PCDH9: variants seen among roughly 807,000 people sequenced by gnomAD.
PCDH9 encodes protocadherin-9.
In PCDH9, 24 loss-of-function variants were observed where a neutral mutation model predicts 70.6. The observed-to-expected ratio is 0.34, with a 90% CI of 0.25 to 0.48. PCDH9 has a LOEUF of 0.48. PCDH9 is among the 20% of genes least tolerant of loss of function. The pLI is 0.99. For missense variants in PCDH9, 1,281 were observed against 1,503.6 expected (o/e 0.85, Z 2.45); for synonymous variants, 562 against 558.5 (o/e 1.01, Z -0.09).
intron 4 of PCDH9, among the ~76,000 whole-genome samples, chr13:66,495,996 A>G (rs1206735682): frequency 1.3e-5 from 2 of 152,130 alleles, no homozygotes; most frequent in East Asian, 3.8e-4. Context: ...ACTTGTTTAA[A>G]CTGTTTAAGA....
chr13:66,721,345 G>A (rs187065117), intron 3 of PCDH9, among the ~76,000 whole-genome samples: 27 of 152,252 alleles, frequency 1.8e-4, no homozygotes, highest in Admixed American at 1.6e-3. Flanking sequence ...CCTATTCTCA[G>A]CATGGACTTC....
At chr13:66,582,993 A>T (rs2138786821) in intron 4 of PCDH9, among the ~76,000 whole-genome samples, 1 of 152,140 alleles carries the variant, frequency 6.6e-6, no homozygotes, top group Non-Finnish European at 1.5e-5. Flanking sequence ...CTTTTATCTG[A>T]ACCCCTCTAC....
chr13:66,327,957 T>C (rs1429900581), intron 4 of PCDH9, among the ~76,000 whole-genome samples: 2 of 152,218 alleles, frequency 1.3e-5, no homozygotes, highest in Non-Finnish European at 2.9e-5. Context: ...TCCTTGGGAC[T>C]GATTTGGTAT....
intron 4 of PCDH9, among the ~76,000 whole-genome samples, chr13:66,626,601 C>G (rs546126929): frequency 6.6e-6 from 1 of 152,128 alleles, no homozygotes; most frequent in South Asian, 2.1e-4. Flanking sequence ...AAAAAAAGAA[C>G]CGAAGTTTCT....
In PCDH9 at chr13:66,793,338, C is replaced by T. The variant is rs563454146; in HGVS notation, c.3138+110166G>A. On this transcript the variant is annotated intron_variant, in intron 3 of 4. Coordinates refer to ENST00000377865, the MANE Select transcript of PCDH9 (RefSeq NM_203487.3). Reference sequence around the variant, plus strand: ...CTTTTGCTATGCATAGATAGAAAGACATTTTCTGGTAAGAACATACAGTCT... The same window carrying T: ...CTTTTGCTATGCATAGATAGAAAGATATTTTCTGGTAAGAACATACAGTCT... 7.2e-5 allele frequency among the ~76,000 whole-genome samples: 11 copies of T among 152,168 alleles called. No homozygotes were observed. In the South Asian group the frequency reaches 2.1e-3, roughly 29 times the overall value.
At chr13:66,342,361 C>T (rs926170427) in intron 4 of PCDH9, among the ~76,000 whole-genome samples, 5 of 152,142 alleles carry the variant, frequency 3.3e-5, no homozygotes, top group African/African-American at 7.2e-5. Context: ...TAGCTAAATG[C>T]GTTTTACAAC....
chr13:66,417,019 G>A (rs570050469), intron 4 of PCDH9, among the ~76,000 whole-genome samples: 25 of 152,088 alleles, frequency 1.6e-4, no homozygotes, highest in Non-Finnish European at 3.1e-4. Flanking sequence ...AGTGGGTGAC[G>A]ATGATAAATG....
intron 3 of PCDH9, among the ~76,000 whole-genome samples, chr13:66,902,200 A>C (rs1427570971): frequency 6.6e-6 from 1 of 151,646 alleles, no homozygotes; most frequent in Non-Finnish European, 1.5e-5. Flanking sequence ...AAAAGAAAGA[A>C]AAATATAAAA....
intron 2 of PCDH9, among the ~76,000 whole-genome samples, chr13:66,981,672 A>C (rs77008789): frequency 0.015 from 2,268 of 152,162 alleles, 67 homozygotes; most frequent in African/African-American, 0.052. Context: ...TATTCCATAA[A>C]GTAAAACTCT....
intron 2 of PCDH9, among the ~76,000 whole-genome samples, chr13:67,110,332 C>G (rs535632801): frequency 5.3e-5 from 8 of 151,560 alleles, no homozygotes; most frequent in Non-Finnish European, 1.2e-4. Flanking sequence ...CTGGCCAACA[C>G]GGTGAAACCC....
At chr13:67,172,046 A>G (rs953644459) in intron 2 of PCDH9, among the ~76,000 whole-genome samples, 2 of 152,200 alleles carry the variant, frequency 1.3e-5, no homozygotes, top group Non-Finnish European at 2.9e-5. Context: ...ATCGGATGAA[A>G]CTTTTGAAAC....
intron 2 of PCDH9, among the ~76,000 whole-genome samples, chr13:67,170,404 A>C (rs2138443101): frequency 6.6e-6 from 1 of 152,308 alleles, no homozygotes; most frequent in South Asian, 2.1e-4. Context: ...GTTACTTAAA[A>C]ATTGAGTAAA....
chr13:66,423,776 T>A (rs190247965), intron 4 of PCDH9, among the ~76,000 whole-genome samples: 132 of 152,120 alleles, frequency 8.7e-4, no homozygotes, highest in African/African-American at 3.1e-3. Flanking sequence ...ACAAGACATG[T>A]ATTCCCTCTC....
chr13:67,149,418 T>C (rs1015811840), intron 2 of PCDH9, among the ~76,000 whole-genome samples: 1 of 152,092 alleles, frequency 6.6e-6, no homozygotes, highest in African/African-American at 2.4e-5. Flanking sequence ...TGATGAGAAT[T>C]CAATAAGATA....
At chr13:66,379,079 G>A (rs189764894) in intron 4 of PCDH9, among the ~76,000 whole-genome samples, 156 of 152,320 alleles carry the variant, frequency 1.0e-3, no homozygotes, top group East Asian at 2.3e-3. Context: ...TACAGCAGAT[G>A]TGACTACTTC....
chr13:66,969,431 T>G (rs1321042528), intron 2 of PCDH9, among the ~76,000 whole-genome samples: 10 of 152,050 alleles, frequency 6.6e-5, no homozygotes, highest in African/African-American at 2.4e-4. Flanking sequence ...AATAATAAAT[T>G]GAAATCACTA....
intron 4 of PCDH9, among the ~76,000 whole-genome samples, chr13:66,587,594 A>C (rs947097933): frequency 3.3e-5 from 5 of 151,932 alleles, no homozygotes; most frequent in Non-Finnish European, 5.9e-5. Flanking sequence ...TCTCAACCCC[A>C]GTTATTTATC....
chr13:66,475,392 C>T (rs1187924703), intron 4 of PCDH9, among the ~76,000 whole-genome samples: 2 of 152,028 alleles, frequency 1.3e-5, no homozygotes, highest in Non-Finnish European at 2.9e-5. Flanking sequence ...TGATATTTTA[C>T]TACATACTAT....
rs191767382 is a variant in PCDH9 at position 67,184,484 on chromosome 13, T to C, written c.3036+40921A>G. Among the ~76,000 whole-genome samples, 26 of 152,216 alleles carry C rather than the reference T, an allele frequency of 1.7e-4. No individual in the cohort carries two copies. In the East Asian group the frequency reaches 4.6e-3, roughly 27 times the overall value. On this transcript the variant is annotated intron_variant, in intron 2 of 4. Transcript: ENST00000377865. Reference sequence around the variant, plus strand: ...TGACTCATGCTTGTAATCACAGAACTCTGGGAGGCTAAGGCGGGCAGTCTC... The same window carrying C: ...TGACTCATGCTTGTAATCACAGAACCCTGGGAGGCTAAGGCGGGCAGTCTC...
Sources: gnomAD v4.1 joint callset for allele counts (sites outside exome capture counted in the v4.1 genomes callset) on GRCh38, gnomAD v4.1.1 for gene constraint, MANE v1.5 for transcripts, NCBI Gene and HGNC (gene_info 2026-07-23, HGNC 2026-07-21) for gene names.